Variants in CDH4 observed in about 807,000 individuals in gnomAD.
CDH4 encodes the protein cadherin 4.
CDH4 carries 33 observed loss-of-function variants against 86.0 expected under a neutral mutation model. The observed-to-expected ratio is 0.38, with a 90% CI of 0.29 to 0.51. The LOEUF is 0.51. Among genes scored for constraint, CDH4 ranks in the 20% least tolerant of loss-of-function variants. CDH4 has a pLI of 0.86. For missense variants in CDH4, 1,114 were observed against 1,307.4 expected, an observed-to-expected ratio of 0.85 and a Z score of 2.28; for synonymous variants, 555 against 549.4, an observed-to-expected ratio of 1.01 and a Z score of -0.14.
chr20:61,321,623 G>A (rs376951792), intron 2 of CDH4, among the ~76,000 whole-genome samples: 1 of 152,146 alleles, frequency 6.6e-6, no homozygotes. Flanking sequence ...TGCGGTGAGC[G>A]GAGGACTTCC....
At chr20:61,413,093 T>G (rs982319985) in intron 2 of CDH4, among the ~76,000 whole-genome samples, 1 of 152,158 alleles carries the variant, frequency 6.6e-6, no homozygotes, top group African/African-American at 2.4e-5. Context: ...TCCCGGTCTT[T>G]GCATGGTTTT....
At chr20:61,600,161 C>T (rs993536287) in intron 2 of CDH4, among the ~76,000 whole-genome samples, 1 of 152,230 alleles carries the variant, frequency 6.6e-6, no homozygotes, top group South Asian at 2.1e-4. Context: ...AGGTCCCGCG[C>T]GAGGGCGTGG....
intron 2 of CDH4, among the ~76,000 whole-genome samples, chr20:61,551,641 G>T (rs1198776406): frequency 6.6e-6 from 1 of 152,140 alleles, no homozygotes; most frequent in African/African-American, 2.4e-5. Flanking sequence ...GTGGGAGTGT[G>T]GTCCATTCAT....
intron 9 of CDH4, among the ~76,000 whole-genome samples, chr20:61,919,661 T>C (rs192945532): frequency 8.5e-5 from 13 of 152,366 alleles, no homozygotes; most frequent in Admixed American, 3.9e-4. Flanking sequence ...ACACTGTTTA[T>C]CATGAAAGTT....
chr20:61,615,570 G>A (rs892642478), intron 2 of CDH4, among the ~76,000 whole-genome samples: 2 of 152,198 alleles, frequency 1.3e-5, no homozygotes, highest in Non-Finnish European at 2.9e-5. Flanking sequence ...TGGATATTGG[G>A]GAGTTGGAAA....
chr20:61,929,110 TTTC>T (rs1299004222), intron 12 of CDH4, among the ~76,000 whole-genome samples: 1 of 152,174 alleles, frequency 6.6e-6, no homozygotes, highest in African/African-American at 2.4e-5. Context: ...CAGGAAATTA[TTTC>T]TTCATCCTAC....
At chr20:61,783,588 C>T (rs1409172811) in intron 4 of CDH4, among the ~76,000 whole-genome samples, 1 of 143,706 alleles carries the variant, frequency 7.0e-6, no homozygotes, top group Admixed American at 7.0e-5. Flanking sequence ...TTCCTCAGGA[C>T]AGTTCTCGAG....
At chr20:61,361,724 C>A (rs2084783984) in intron 2 of CDH4, among the ~76,000 whole-genome samples, 1 of 152,172 alleles carries the variant, frequency 6.6e-6, no homozygotes, top group Non-Finnish European at 1.5e-5. Flanking sequence ...GTCAGGAAAG[C>A]GGTGCAGGCA....
chr20:61,652,934 A>ATTTATTTTTTTTTTTT (rs2087138297), intron 2 of CDH4, among the ~76,000 whole-genome samples: 1 of 103,026 alleles, frequency 9.7e-6, no homozygotes, highest in Non-Finnish European at 2.2e-5. Flanking sequence ...TTATTTATTT[A>ATTTATTTTTTTTTTTT]TTTATTTTTT....
At chr20:61,389,272 GA>G (rs1383292740) in intron 2 of CDH4, among the ~76,000 whole-genome samples, 2 of 152,204 alleles carry the variant, frequency 1.3e-5, no homozygotes, top group Non-Finnish European at 2.9e-5. Context: ...TTTCCGCCTT[GA>G]CCATGTGGCG....
chr20:61,688,506 C>G (rs1043885245), intron 2 of CDH4, among the ~76,000 whole-genome samples: 17 of 152,374 alleles, frequency 1.1e-4, no homozygotes, highest in African/African-American at 3.8e-4. Context: ...AGCACTAACT[C>G]TTGGTCCCCT....
chr20:61,842,982 T>C (rs1982245037), intron 4 of CDH4, among the ~76,000 whole-genome samples: 1 of 152,256 alleles, frequency 6.6e-6, no homozygotes, highest in Non-Finnish European at 1.5e-5. Context: ...CTTTGGTTCC[T>C]GTTGACCCAA....
intron 2 of CDH4, among the ~76,000 whole-genome samples, chr20:61,698,392 C>T (rs377643302): frequency 6.6e-6 from 1 of 152,276 alleles, no homozygotes; most frequent in Non-Finnish European, 1.5e-5. Context: ...CTGTGCCAGG[C>T]ACTTGGAAAG....
At chr20:61,814,817 G>C (rs188905821) in intron 4 of CDH4, among the ~76,000 whole-genome samples, 1 of 152,258 alleles carries the variant, frequency 6.6e-6, no homozygotes, top group South Asian at 2.1e-4. Flanking sequence ...TGTTGATGCC[G>C]ACCTTTCCTT....
At chr20:61,702,094 C>T (rs762681854) in intron 2 of CDH4, among the ~76,000 whole-genome samples, 1 of 152,188 alleles carries the variant, frequency 6.6e-6, no homozygotes. Context: ...GGGAAGAAAG[C>T]GTCTTCTTCA....
intron 11 of CDH4, among the ~76,000 whole-genome samples, chr20:61,925,203 G>A (rs568192486): frequency 6.6e-6 from 1 of 152,314 alleles, no homozygotes; most frequent in African/African-American, 2.4e-5. Flanking sequence ...GGGGCTTTCT[G>A]AGGGACATGG....
intron 2 of CDH4, among the ~76,000 whole-genome samples, chr20:61,631,097 A>G (rs1175608882): frequency 6.6e-6 from 1 of 152,192 alleles, no homozygotes. Flanking sequence ...AGTGGTCTGC[A>G]GTTCTGCCTG....
chr20:61,482,805 T>C (rs1221106703), intron 2 of CDH4, among the ~76,000 whole-genome samples: 2 of 152,208 alleles, frequency 1.3e-5, no homozygotes, highest in Non-Finnish European at 1.5e-5. Flanking sequence ...CAGCCGCCGA[T>C]GGAGCACCTG....
chr20:61,449,401 C>G (rs2085368406), intron 2 of CDH4, among the ~76,000 whole-genome samples: 1 of 152,216 alleles, frequency 6.6e-6, no homozygotes, highest in Non-Finnish European at 1.5e-5. Flanking sequence ...TCCACTCTTC[C>G]CGGCAGCTCC....
Sources: allele counts gnomAD v4.1 joint callset (sites outside exome capture counted in the v4.1 genomes callset), GRCh38; gene constraint gnomAD v4.1.1; transcripts MANE v1.5; gene names NCBI Gene and HGNC (gene_info 2026-07-23, HGNC 2026-07-21).